The following SYN3 variants were observed in gnomAD, a reference collection of about 807,000 sequenced individuals.
SYN3 encodes synapsin-3.
Under a neutral mutation model 65.8 loss-of-function variants are expected in SYN3, and 35 were observed. That is an observed-to-expected ratio of 0.53 (90% CI 0.41 to 0.70). The LOEUF (loss-of-function observed/expected upper bound fraction) is 0.70. SYN3 is among the 30% of genes least tolerant of loss of function. The pLI is 0.00. For missense variants in SYN3, 680 were observed against 749.0 expected (o/e 0.91, Z 1.08); for synonymous variants, 270 against 292.9 (o/e 0.92, Z 0.80).
intron 6 of SYN3, among the ~76,000 whole-genome samples, chr22:32,803,510 T>C (rs368872031): frequency 2.5e-4 from 38 of 152,276 alleles, no homozygotes; most frequent in Middle Eastern, 6.8e-3. Flanking sequence ...CCCTGGGGCC[T>C]GCATGGTACA....
At chr22:32,796,733 A>C (rs2046437204) in intron 6 of SYN3, among the ~76,000 whole-genome samples, 1 of 151,974 alleles carries the variant, frequency 6.6e-6, no homozygotes, top group East Asian at 1.9e-4. Flanking sequence ...TAGGGTCTGG[A>C]GGGGAAGAGG....
intron 6 of SYN3, among the ~76,000 whole-genome samples, chr22:32,654,618 C>A (rs900966165): frequency 3.3e-5 from 5 of 152,316 alleles, no homozygotes; most frequent in Admixed American, 1.3e-4. Context: ...ATGTCCATAT[C>A]CAGCTCAGAG....
chr22:32,634,292 T>C (rs2059785135), intron 6 of SYN3, among the ~76,000 whole-genome samples: 1 of 152,290 alleles, frequency 6.6e-6, no homozygotes, highest in African/African-American at 2.4e-5. Context: ...GCAGGCAGTC[T>C]GGCACCAGAA....
At chr22:32,989,360 C>T (rs2052625690) in intron 2 of SYN3, among the ~76,000 whole-genome samples, 1 of 152,100 alleles carries the variant, frequency 6.6e-6, no homozygotes, top group Non-Finnish European at 1.5e-5. Context: ...GGTGGAGGGT[C>T]GAGGTCAGCT....
intron 4 of SYN3, among the ~76,000 whole-genome samples, chr22:32,914,215 G>A (rs561628228): frequency 9.4e-4 from 143 of 152,298 alleles, no homozygotes; most frequent in African/African-American, 3.3e-3. Flanking sequence ...AGCATGCTTA[G>A]AACAGTTTTG....
intron 1 of SYN3, among the ~76,000 whole-genome samples, chr22:33,028,678 GGTGGTGGTGGTGATGGTGGT>G (rs2053687300): frequency 9.8e-6 from 1 of 102,180 alleles, no homozygotes. Flanking sequence ...TGGTGGTGGT[GGTGGTGGTGGTGATGGTGGT>G]GGTGGTGGTG....
chr22:32,949,572 A>G lies in SYN3; in HGVS notation c.370-18091T>C, dbSNP rs143085005. On this transcript the variant is annotated intron_variant, in intron 3 of 13. Coordinates refer to ENST00000358763, the MANE Select transcript of SYN3 (RefSeq NM_003490.4). ...CACACGCATGCATGCGTGCACGCACACAGGAATAGAGATGGAATGCATTCA... is the reference window on the plus strand; with the variant it reads ...CACACGCATGCATGCGTGCACGCACGCAGGAATAGAGATGGAATGCATTCA... 3.9e-5 allele frequency among the ~76,000 whole-genome samples: 6 copies of G among 152,230 alleles called. No homozygotes were observed. The East Asian group carries it at 1.2e-3, about 29-fold the overall frequency.
At chr22:32,736,133 T>C (rs940049949) in intron 6 of SYN3, among the ~76,000 whole-genome samples, 12 of 152,218 alleles carry the variant, frequency 7.9e-5, no homozygotes, top group Non-Finnish European at 1.2e-4. Context: ...AAGGCATCAG[T>C]TTTATGTGTT....
intron 4 of SYN3, among the ~76,000 whole-genome samples, chr22:32,906,967 T>G (rs2049920137): frequency 6.6e-6 from 1 of 152,220 alleles, no homozygotes; most frequent in Non-Finnish European, 1.5e-5. Flanking sequence ...GCAATAAACA[T>G]ACATGTGCAT....
chr22:32,794,546 G>A (rs1362368733), intron 6 of SYN3, among the ~76,000 whole-genome samples: 1 of 152,180 alleles, frequency 6.6e-6, no homozygotes, highest in Non-Finnish European at 1.5e-5. Flanking sequence ...TCATTGGTTA[G>A]TTTATTCCTT....
At chr22:32,635,207 C>G (rs78163538) in intron 6 of SYN3, 61 of 152,294 alleles carry the variant, frequency 4.0e-4, no homozygotes, top group African/African-American at 1.1e-3. Context: ...GCTAATCTTT[C>G]TATCTATCTG....
chr22:32,615,724 G>C (rs947081500), intron 6 of SYN3, among the ~76,000 whole-genome samples: 9 of 152,210 alleles, frequency 5.9e-5, no homozygotes, highest in African/African-American at 1.7e-4. Context: ...CATCACAGCA[G>C]TGCTCAGAGA....
intron 6 of SYN3, among the ~76,000 whole-genome samples, chr22:32,618,633 A>G (rs921592885): frequency 2.0e-5 from 3 of 152,176 alleles, no homozygotes; most frequent in East Asian, 1.9e-4. Context: ...CAGAGGCTGC[A>G]TAATAGAACA....
chr22:32,927,953 T>C (rs1389739868), intron 4 of SYN3, among the ~76,000 whole-genome samples: 3 of 152,232 alleles, frequency 2.0e-5, no homozygotes. Context: ...TCTGTTACTT[T>C]AACAAAAGTA....
rs78664987 is a variant in SYN3, at chr22:33,034,746, A to G, written c.-163+23546T>C. Reference sequence around the variant, plus strand: ...TTAACCCCATTTTACGCATGAGGAAACCGAAGCTCAGGGGGCTTCAGCAAC... The same window carrying G: ...TTAACCCCATTTTACGCATGAGGAAGCCGAAGCTCAGGGGGCTTCAGCAAC... On this transcript the variant is annotated intron_variant, in intron 1 of 13. Transcript: ENST00000358763. Among the ~76,000 whole-genome samples the G allele has an allele frequency of 5.7e-3, 862 of 152,304 alleles. 10 individuals carry two copies. Among genetic ancestry groups the G allele is most frequent in the African/African-American group, 0.02 (821 of 41,556 alleles).
At chr22:32,514,393 T>G in intron 13 of SYN3, 1 of 152,376 alleles carries the variant, frequency 6.6e-6, no homozygotes, top group Non-Finnish European at 1.5e-5. Flanking sequence ...TCAGGCCTCT[T>G]CCAGCTCTGA....
At chr22:32,844,186 T>C (rs1204062142) in intron 6 of SYN3, among the ~76,000 whole-genome samples, 1 of 152,128 alleles carries the variant, frequency 6.6e-6, no homozygotes, top group Non-Finnish European at 1.5e-5. Flanking sequence ...GGTCTGGATT[T>C]GGTTGACAAT....
intron 6 of SYN3, among the ~76,000 whole-genome samples, chr22:32,822,445 G>A (rs9621572): frequency 6.6e-6 from 1 of 152,174 alleles, no homozygotes; most frequent in Non-Finnish European, 1.5e-5. Flanking sequence ...AGGCCACTAA[G>A]AGGAAAGGCA....
At chr22:32,670,381 T>C (rs2060343622) in intron 6 of SYN3, among the ~76,000 whole-genome samples, 2 of 152,200 alleles carry the variant, frequency 1.3e-5, no homozygotes, top group Non-Finnish European at 2.9e-5. Flanking sequence ...ATTTTGGCTT[T>C]AGGCTATAGG....
Sources: allele counts gnomAD v4.1 joint callset (sites outside exome capture counted in the v4.1 genomes callset), GRCh38; gene constraint gnomAD v4.1.1; transcripts MANE v1.5; gene names NCBI Gene and HGNC (gene_info 2026-07-23, HGNC 2026-07-21).